The following GLI2 variants were observed in gnomAD, a reference collection of about 807,000 sequenced individuals.
GLI2 encodes transcription activator GLI2.
Under a neutral mutation model 78.9 loss-of-function variants are expected in GLI2, and 22 were observed. The ratio of observed to expected loss-of-function variants is 0.28; its 90% CI spans 0.20 to 0.40. The LOEUF (loss-of-function observed/expected upper bound fraction) is 0.40. GLI2 is among the 10% of genes least tolerant of loss of function. The pLI is 1.00. For missense variants in GLI2, 2,097 were observed against 2,213.2 expected (o/e 0.95, Z 1.05); for synonymous variants, 974 against 963.7 (o/e 1.01, Z -0.20).
chr2:120,749,092 C>G (rs1682784009), intron 1 of GLI2, among the ~76,000 whole-genome samples: 1 of 152,194 alleles, frequency 6.6e-6, no homozygotes, highest in Admixed American at 6.5e-5. Context: ...AAAGTATTTC[C>G]TACCACAGCC....
intron 2 of GLI2, among the ~76,000 whole-genome samples, chr2:120,805,315 C>T (rs946952797): frequency 6.6e-6 from 1 of 152,258 alleles, no homozygotes; most frequent in East Asian, 1.9e-4. Context: ...TTCACGTCAC[C>T]TCTGTGTCAC....
chr2:120,854,217 G>A (rs1004712134), intron 2 of GLI2, among the ~76,000 whole-genome samples: 1 of 152,200 alleles, frequency 6.6e-6, no homozygotes, highest in Admixed American at 6.5e-5. Flanking sequence ...TGACTCCTGA[G>A]CTGAGTCTCA....
At chr2:120,925,389 A>G (rs1171389367) in intron 2 of GLI2, among the ~76,000 whole-genome samples, 2 of 152,252 alleles carry the variant, frequency 1.3e-5, no homozygotes, top group Admixed American at 6.5e-5. Context: ...CTTCCCATTA[A>G]GAATCCATTG....
intron 3 of GLI2, among the ~76,000 whole-genome samples, chr2:120,939,547 A>G (rs1680355896): frequency 6.6e-6 from 1 of 152,180 alleles, no homozygotes; most frequent in Non-Finnish European, 1.5e-5. Flanking sequence ...CATGCTTTAT[A>G]TACATGGAAT....
intron 1 of GLI2, among the ~76,000 whole-genome samples, chr2:120,748,840 G>T (rs929271646): frequency 6.7e-5 from 10 of 148,810 alleles, no homozygotes; most frequent in Non-Finnish European, 1.5e-5. Flanking sequence ...TAAGATTATA[G>T]TGATCTTGCA....
At chr2:120,813,600 C>A (rs1409186270) in intron 2 of GLI2, among the ~76,000 whole-genome samples, 1 of 152,238 alleles carries the variant, frequency 6.6e-6, no homozygotes, top group Non-Finnish European at 1.5e-5. Flanking sequence ...CCAGGCCATT[C>A]TCCTGACAAT....
At chr2:120,986,142 C>T (rs1403611114) in intron 12 of GLI2, 136 bp from the exon 13 acceptor site, 2 of 756,346 alleles carry the variant, frequency 2.6e-6, no homozygotes, top group Non-Finnish European at 2.3e-6. Flanking sequence ...ACGTGCTCCT[C>T]CGCAAGGCAG....
intron 2 of GLI2, among the ~76,000 whole-genome samples, chr2:120,842,761 T>G (rs188550673): frequency 2.6e-5 from 4 of 152,400 alleles, no homozygotes; most frequent in African/African-American, 7.2e-5. Context: ...ATGTGTAGTT[T>G]CTGAATGAGT....
chr2:120,788,612 C>T (rs1453748307), intron 1 of GLI2, among the ~76,000 whole-genome samples: 1 of 152,244 alleles, frequency 6.6e-6, no homozygotes, highest in Non-Finnish European at 1.5e-5. Flanking sequence ...CCTCCCTGGC[C>T]CCTGTTCCAG....
chr2:120,824,483 G>A (rs1685942304), intron 2 of GLI2, among the ~76,000 whole-genome samples: 1 of 152,212 alleles, frequency 6.6e-6, no homozygotes, highest in African/African-American at 2.4e-5. Context: ...TGGCTCTTAC[G>A]TTCACGAGCG....
intron 2 of GLI2, among the ~76,000 whole-genome samples, chr2:120,821,363 G>A (rs1685765819): frequency 6.6e-6 from 1 of 152,226 alleles, no homozygotes; most frequent in African/African-American, 2.4e-5. Context: ...TGGCTCAGCT[G>A]AGCAGAACAC....
At chr2:120,821,157 T>A (rs541499482) in intron 2 of GLI2, among the ~76,000 whole-genome samples, 1 of 152,244 alleles carries the variant, frequency 6.6e-6, no homozygotes, top group South Asian at 2.1e-4. Flanking sequence ...CAGGACCTGA[T>A]GGGGACAGTG....
chr2:120,868,144 C>A (rs879595708), intron 2 of GLI2, among the ~76,000 whole-genome samples: 22 of 152,216 alleles, frequency 1.4e-4, no homozygotes, highest in Non-Finnish European at 2.8e-4. Flanking sequence ...GCTCAGTCTT[C>A]GCCACTTCAA....
At chr2:120,912,764 A>G (rs912668397) in intron 2 of GLI2, among the ~76,000 whole-genome samples, 3 of 151,960 alleles carry the variant, frequency 2.0e-5, no homozygotes, top group Non-Finnish European at 4.4e-5. Context: ...GGGAGTCCAC[A>G]CACCCACTCC....
chr2:120,954,811 C>T (rs1441157902), intron 4 of GLI2, among the ~76,000 whole-genome samples: 4 of 152,190 alleles, frequency 2.6e-5, no homozygotes, highest in African/African-American at 4.8e-5. Flanking sequence ...GCCCCGGCAG[C>T]GATCTCACCC....
chr2:120,956,258 A>T (rs1242100726), intron 5 of GLI2, among the ~76,000 whole-genome samples: 1 of 152,126 alleles, frequency 6.6e-6, no homozygotes, highest in Non-Finnish European at 1.5e-5. Context: ...AGTTGACCTC[A>T]GGGTCTCGGG....
At chr2:120,776,849 T>C (rs1248994986) in intron 1 of GLI2, among the ~76,000 whole-genome samples, 3 of 152,212 alleles carry the variant, frequency 2.0e-5, no homozygotes, top group Non-Finnish European at 2.9e-5. Context: ...GGACTGCCTC[T>C]GAGCCACCCT....
At position 120,955,539 on chromosome 2, in the gene GLI2, G is replaced by A. The variant is rs775460882; in HGVS notation, c.643+109G>A. ...GGACAAGGACCCTTAAGGAGAGGTC[G>A]GGCTGTACCCCAATGCCTTCCAGGA... On this transcript the variant is annotated intron_variant, in intron 5 of 13. Coordinates refer to ENST00000361492, the MANE Select transcript of GLI2 (RefSeq NM_001374353.1). 1.9e-4 allele frequency: 141 copies of A among 728,178 alleles called. No homozygotes were observed. In the Middle Eastern group the frequency reaches 2.7e-3, roughly 14 times the overall value. 45.1% of individuals were successfully genotyped at this position (728,178 alleles called of 1,614,324 possible).
intron 1 of GLI2, among the ~76,000 whole-genome samples, chr2:120,783,885 T>C (rs1683918334): frequency 6.6e-6 from 1 of 152,222 alleles, no homozygotes; most frequent in Non-Finnish European, 1.5e-5. Flanking sequence ...GAAGTGACTG[T>C]CCAGTGGTAG....
Sources: allele counts gnomAD v4.1 joint callset (sites outside exome capture counted in the v4.1 genomes callset), GRCh38; gene constraint gnomAD v4.1.1; transcripts MANE v1.5; gene names NCBI Gene and HGNC (gene_info 2026-07-23, HGNC 2026-07-21).